Variants in PLXNA1 observed in about 807,000 individuals in gnomAD.
PLXNA1 encodes plexin-A1.
Under a neutral mutation model 191.7 loss-of-function variants are expected in PLXNA1, and 77 were observed. That is an observed-to-expected ratio of 0.40 (90% CI 0.33 to 0.49). PLXNA1 has a LOEUF of 0.49. PLXNA1 is among the 20% of genes least tolerant of loss of function. The probability of loss-of-function intolerance (pLI) is 0.63; values close to 1 mark genes in which losing one functional copy is unlikely to be tolerated. For synonymous variants in PLXNA1, 1,137 were observed against 1,156.4 expected (o/e 0.98, Z 0.34); for missense variants, 2,110 against 2,660.2 (o/e 0.79, Z 4.55).
At chr3:127,025,023 C>G (rs1334735928) in intron 23 of PLXNA1, among the ~76,000 whole-genome samples, 1 of 152,118 alleles carries the variant, frequency 6.6e-6, no homozygotes, top group Non-Finnish European at 1.5e-5. Context: ...GTCAGCATCC[C>G]TAGGAGAGGG....
At chr3:127,032,881 G>A (rs780519541) in intron 31 of PLXNA1, 45 bp downstream of exon 31, 58 of 1,590,374 alleles carry the variant, frequency 3.6e-5, no homozygotes, top group African/African-American at 8.0e-5. Context: ...AGGGCTTGCC[G>A]GCCCCTGCCA....
At chr3:126,992,007 C>G (rs569780854) in intron 3 of PLXNA1, among the ~76,000 whole-genome samples, 1 of 152,286 alleles carries the variant, frequency 6.6e-6, no homozygotes, top group African/African-American at 2.4e-5. Flanking sequence ...GGCCCTGCCT[C>G]TCCCCAGCCC....
intron 23 of PLXNA1, chr3:127,027,646 C>G (rs779706609): frequency 7.2e-5 from 40 of 552,612 alleles, no homozygotes; most frequent in Non-Finnish European, 1.3e-4. Context: ...CTCCCTGATG[C>G]AGGTCCCGCG....
In PLXNA1 at chr3:127,014,561, G is replaced by T. The variant is rs1168524838; in HGVS notation, c.2688G>T (p.Val896=). The change falls in exon 13 of 32, where the codon GTG becomes GTT. Residue 896 remains valine, a synonymous_variant. Transcript: ENST00000393409. ...ACCTGGGCCTGCGATTCGAAGACGT[G>T]CGTCTGGGCGTGCGCGTGGGCAAGG... ...GENLGLRFED[V]RLGVRVGKVL... 1 of 1,612,622 alleles carries T rather than the reference G, an allele frequency of 6.2e-7. No individual in the cohort carries two copies. Among genetic ancestry groups the T allele is most frequent in the South Asian group, 1.1e-5 (1 of 91,084 alleles).
At chr3:127,009,275 T>G (rs986203423) in intron 9 of PLXNA1, among the ~76,000 whole-genome samples, 2 of 152,034 alleles carry the variant, frequency 1.3e-5, no homozygotes, top group African/African-American at 4.8e-5. Flanking sequence ...CAGCCTTCCC[T>G]GAGCCCTCCC....
At chr3:127,029,135 C>A (rs1288246960) in intron 26 of PLXNA1, 39 bp downstream of exon 26, 1 of 1,497,360 alleles carries the variant, frequency 6.7e-7, no homozygotes, top group South Asian at 1.1e-5. Flanking sequence ...AGGCCTCCCT[C>A]CCCTTGGGGC....
chr3:127,022,621 C>T (rs1163313145), intron 22 of PLXNA1, 131 bp from the exon 23 acceptor site: 14 of 906,344 alleles, frequency 1.5e-5, no homozygotes, highest in Middle Eastern at 3.0e-4. Context: ...GGGTGCCTTT[C>T]GAGACCTGAC....
In PLXNA1 at chr3:127,035,502, G is replaced by GCGGCA. The variant is rs2107640854; in HGVS notation, c.*1487_*1491dup. The GCGGCA allele has an allele frequency of 6.6e-6, 1 of 152,670 alleles. No individual in the cohort carries two copies. The highest frequency in any genetic ancestry group is 1.9e-4 in the East Asian group (1 of 5,180). 9.5% of individuals were successfully genotyped at this position (152,670 alleles called of 1,614,324 possible). ...TGACCCTGAGAGCCTCTGGGGTGCC[G>GCGGCA]CGGCACCACGGGGCATGCATGATTG... On this transcript the variant is annotated 3_prime_UTR_variant, in exon 32 of 32. Transcript: ENST00000393409.
At position 127,015,200 on chromosome 3, in the gene PLXNA1, G is replaced by A. The variant is rs1329917265; in HGVS notation, c.2894G>A (p.Arg965His). 5.0e-6 allele frequency: 8 copies of A among 1,612,866 alleles called. No individual in the cohort carries two copies. The highest frequency in any genetic ancestry group is 5.9e-6 in the Non-Finnish European group (7 of 1,179,612). ...RFTFVTPTFY[R>H]VSPSRGPLSG... ...TTCCTGCAGACACCAACCTTCTACC[G>A]TGTGAGCCCCTCCCGTGGGCCTCTG... is the stretch of plus-strand genomic sequence containing the variant. The change falls in exon 15 of 32, where the codon CGT (arginine) becomes CAT (histidine). Residue 965 changes from arginine to histidine, a missense_variant. Coordinates refer to ENST00000393409, the MANE Select transcript of PLXNA1 (RefSeq NM_032242.4).
intron 23 of PLXNA1, chr3:127,027,569 G>A: frequency 2.4e-6 from 1 of 424,348 alleles, no homozygotes; most frequent in Non-Finnish European, 4.7e-6. Context: ...AGGCCCCTGG[G>A]AGGCTGGAGC....
chr3:126,989,051 A>G lies in PLXNA1; in HGVS notation c.458A>G (p.His153Arg). Residue 153 changes from histidine to arginine, a missense_variant, in exon 2 of 32, where the codon CAC becomes CGC. Around this residue, in one of 4 missense-constraint regions of PLXNA1, gnomAD observed 903 missense variants for 1,015.7 expected, o/e 0.89. Coordinates refer to ENST00000393409, the MANE Select transcript of PLXNA1 (RefSeq NM_032242.4). ...LDDLFKLGEP[H>R]HRKEHYLSSV... ...GATCTCTTCAAACTGGGTGAGCCACACCACCGTAAGGAGCACTACCTGTCC... is the reference window on the plus strand; with the variant it reads ...GATCTCTTCAAACTGGGTGAGCCACGCCACCGTAAGGAGCACTACCTGTCC... 1.2e-6 allele frequency: 2 copies of G among 1,613,336 alleles called. No individual in the cohort carries two copies. The highest frequency in any genetic ancestry group is 1.7e-6 in the Non-Finnish European group (2 of 1,180,030).
chr3:126,989,352 G>A lies in PLXNA1; in HGVS notation c.759G>A (p.Glu253=), dbSNP rs754462650. The A allele has an allele frequency of 6.2e-7, 1 of 1,613,672 alleles. No individual in the cohort carries two copies. The highest frequency in any genetic ancestry group is 8.5e-7 in the Non-Finnish European group (1 of 1,180,054). Residue 253 remains glutamate (E), a synonymous_variant, in exon 2 of 32, where the codon GAG becomes GAA. Transcript: ENST00000393409. ...ACTATGTGTACAGCTTCCGCAGCGA[G>A]CAGTTTGTCTACTACCTCACGCTGC... ...DIYYVYSFRS[E]QFVYYLTLQL...
Position 127,008,989 on chromosome 3 carries a change from G to A in PLXNA1, c.2112+1076G>A, listed in dbSNP as rs186905570. 2.9e-3 allele frequency among the ~76,000 whole-genome samples: 435 copies of A among 152,292 alleles called. 2 individuals carry two copies. Among genetic ancestry groups the A allele is most frequent in the African/African-American group, 9.9e-3 (411 of 41,564 alleles). On this transcript the variant is annotated intron_variant, in intron 9 of 31. Coordinates refer to ENST00000393409, the MANE Select transcript of PLXNA1 (RefSeq NM_032242.4). ...GACACAGTGGGGCGCTTCTCTGGGG[G>A]TGCGGCCTGCCTGAAGAGCCAGGCC... is the stretch of plus-strand genomic sequence containing the variant.
At chr3:127,015,903 C>T in intron 15 of PLXNA1, among the ~76,000 whole-genome samples, 1 of 152,142 alleles carries the variant, frequency 6.6e-6, no homozygotes. Flanking sequence ...CATCTAGTCT[C>T]CTCACAGCCC....
chr3:127,024,166 C>T (rs555304582), intron 23 of PLXNA1, among the ~76,000 whole-genome samples: 16 of 152,248 alleles, frequency 1.1e-4, no homozygotes, highest in Middle Eastern at 6.8e-3. Context: ...GAGAGGGCAC[C>T]GCTAACCTGA....
At chr3:127,002,958 G>A (rs1559957144) in intron 3 of PLXNA1, among the ~76,000 whole-genome samples, 1 of 152,122 alleles carries the variant, frequency 6.6e-6, no homozygotes, top group Non-Finnish European at 1.5e-5. Flanking sequence ...GCCCAGCCTG[G>A]CCCCAGGGAT....
chr3:127,022,770 G>A lies in PLXNA1; in HGVS notation c.4314G>A (p.Glu1438=). The A allele has an allele frequency of 1.2e-6, 2 of 1,614,074 alleles. No individual in the cohort carries two copies. The highest frequency in any genetic ancestry group is 1.7e-6 in the Non-Finnish European group (2 of 1,179,978). The change falls in exon 23 of 32, where the codon GAG becomes GAA. Residue 1438 remains glutamate (E), a synonymous_variant. Coordinates refer to ENST00000393409, the MANE Select transcript of PLXNA1 (RefSeq NM_032242.4). The stretch of plus-strand genomic sequence containing the variant: ...TCCCCAGGACTGAGTCGGTGGCAGA[G>A]AAGATGCTAACTAACTGGTTCACCT... The part of the protein sequence containing the change: ...LLLRRTESVA[E]KMLTNWFTFL...
intron 6 of PLXNA1, 31 bp from the exon 7 acceptor site, chr3:127,005,059 C>G (rs1344784204): frequency 1.2e-6 from 2 of 1,611,046 alleles, no homozygotes; most frequent in Non-Finnish European, 8.5e-7. Flanking sequence ...CATGGGGACC[C>G]TGCTCACCAT....
intron 17 of PLXNA1, 21 bp from the exon 18 acceptor site, chr3:127,017,404 A>G (rs746848980): frequency 6.8e-6 from 11 of 1,606,782 alleles, no homozygotes; most frequent in Middle Eastern, 1.9e-4. Flanking sequence ...CCCGCCCAGC[A>G]TCCCCACCCT....
Sources: allele counts gnomAD v4.1 joint callset (sites outside exome capture counted in the v4.1 genomes callset), GRCh38; gene constraint gnomAD v4.1.1; regional missense constraint gnomAD v4.1.1; transcripts MANE v1.5; gene names NCBI Gene and HGNC (gene_info 2026-07-23, HGNC 2026-07-21).